CCSER1: variants seen among roughly 807,000 people sequenced by gnomAD.
CCSER1 encodes the protein serine-rich coiled-coil domain-containing protein 1.
In CCSER1, 41 loss-of-function variants were observed where a neutral mutation model predicts 82.0. That is an observed-to-expected ratio of 0.50 (90% CI 0.39 to 0.65). The LOEUF is 0.65. Ranked by LOEUF, CCSER1 falls within the 30% of genes least tolerant of loss-of-function variation. CCSER1 has a pLI of 0.00. For missense variants in CCSER1, 1,119 were observed against 1,064.2 expected (o/e 1.05, Z -0.72); for synonymous variants, 414 against 383.9 (o/e 1.08, Z -0.92).
chr4:90,162,978 T>G (rs573349145), intron 1 of CCSER1, among the ~76,000 whole-genome samples: 2 of 152,134 alleles, frequency 1.3e-5, no homozygotes, highest in Non-Finnish European at 2.9e-5. Context: ...ATGGAAATTA[T>G]TCACATATGT....
At chr4:91,069,462 G>A (rs193122085) in intron 9 of CCSER1, among the ~76,000 whole-genome samples, 1 of 151,978 alleles carries the variant, frequency 6.6e-6, no homozygotes, top group East Asian at 1.9e-4. Context: ...TAATTATAGA[G>A]ATTTATTCAT....
intron 1 of CCSER1, among the ~76,000 whole-genome samples, chr4:90,299,953 T>C (rs1732772606): frequency 6.6e-6 from 1 of 152,130 alleles, no homozygotes; most frequent in African/African-American, 2.4e-5. Context: ...TTAAAATTAT[T>C]ACCTAGGAAA....
In CCSER1 at chr4:90,345,850, T is replaced by G. The variant is rs150488387; in HGVS notation, c.1509+32803T>G. Among the ~76,000 whole-genome samples, 476 of 152,226 alleles carry G rather than the reference T, an allele frequency of 3.1e-3. 2 individuals carry two copies. The highest frequency in any genetic ancestry group is 0.011 in the African/African-American group (447 of 41,566). ...CAGAAATCTTATGTAATCTCACTGT[T>G]TAAATCATTTCAGAAATCATTTCAG... On this transcript the variant is annotated intron_variant, in intron 3 of 10. Coordinates refer to ENST00000509176, the MANE Select transcript of CCSER1 (RefSeq NM_001145065.2).
intron 1 of CCSER1, among the ~76,000 whole-genome samples, chr4:90,274,900 G>T (rs1292138352): frequency 1.3e-5 from 2 of 152,074 alleles, no homozygotes; most frequent in Non-Finnish European, 2.9e-5. Flanking sequence ...ACACTGTCTT[G>T]CTGTAAGATA....
intron 4 of CCSER1, among the ~76,000 whole-genome samples, chr4:90,466,750 A>G (rs1389192628): frequency 3.3e-5 from 5 of 152,228 alleles, no homozygotes; most frequent in African/African-American, 7.2e-5. Context: ...CTCTTTCTCT[A>G]TTGTTGGTAA....
intron 5 of CCSER1, among the ~76,000 whole-genome samples, chr4:90,501,007 T>C (rs891769704): frequency 2.0e-5 from 3 of 152,080 alleles, no homozygotes; most frequent in African/African-American, 4.8e-5. Context: ...AAAGAATATA[T>C]AGAGCAAACA....
intron 10 of CCSER1, among the ~76,000 whole-genome samples, chr4:91,416,231 G>A (rs773400279): frequency 2.0e-5 from 3 of 152,076 alleles, no homozygotes; most frequent in Non-Finnish European, 4.4e-5. Flanking sequence ...AACATTCCAT[G>A]CTCATGGATA....
chr4:90,561,403 A>G (rs1778744863), intron 5 of CCSER1, among the ~76,000 whole-genome samples: 1 of 152,236 alleles, frequency 6.6e-6, no homozygotes, highest in Non-Finnish European at 1.5e-5. Context: ...GTTAACTTTA[A>G]TGTTTATATC....
At chr4:91,345,675 A>C (rs910612168) in intron 10 of CCSER1, among the ~76,000 whole-genome samples, 26 of 152,298 alleles carry the variant, frequency 1.7e-4, no homozygotes, top group African/African-American at 6.3e-4. Flanking sequence ...ACCAGTATCA[A>C]TACATTGTTA....
intron 10 of CCSER1, among the ~76,000 whole-genome samples, chr4:91,352,532 C>T (rs1748548223): frequency 1.3e-5 from 2 of 152,192 alleles, no homozygotes; most frequent in African/African-American, 4.8e-5. Flanking sequence ...GCGTGAGCCA[C>T]CGTGCCCGGC....
Position 91,360,250 on chromosome 4 carries a change from T to C in CCSER1, c.2218-238322T>C, listed in dbSNP as rs185855411. On this transcript the variant is annotated intron_variant, in intron 10 of 10. Transcript: ENST00000509176. The stretch of plus-strand genomic sequence containing the variant: ...TGCAAATGAGCATACCAATGCCATT[T>C]TTCTTCCAGATTTGTTCTGGTAAAC... 4.7e-4 allele frequency among the ~76,000 whole-genome samples: 71 copies of C among 151,922 alleles called. 3 individuals carry two copies. The highest frequency in any genetic ancestry group is 3.4e-3 in the Middle Eastern group (1 of 290).
intron 10 of CCSER1, among the ~76,000 whole-genome samples, chr4:91,497,219 T>C (rs905007876): frequency 1.3e-5 from 2 of 151,562 alleles, no homozygotes; most frequent in Non-Finnish European, 3.0e-5. Flanking sequence ...AAAATAAGAA[T>C]AGTTACCTCA....
intron 9 of CCSER1, among the ~76,000 whole-genome samples, chr4:91,001,688 T>C (rs964395442): frequency 6.6e-6 from 1 of 152,178 alleles, no homozygotes; most frequent in Non-Finnish European, 1.5e-5. Flanking sequence ...AGATAGTTGG[T>C]TGGTGAATTT....
At chr4:91,225,345 TATATATGTATATATATTATATATGTAA>T (rs1738094703) in intron 10 of CCSER1, among the ~76,000 whole-genome samples, 1 of 134,614 alleles carries the variant, frequency 7.4e-6, no homozygotes, top group Non-Finnish European at 1.6e-5. Context: ...ATATATGTAA[TATATATGTATATATATTATATATGTAA>T]TATATATGAT....
chr4:91,395,314 C>A (rs1334652144), intron 10 of CCSER1, among the ~76,000 whole-genome samples: 1 of 151,994 alleles, frequency 6.6e-6, no homozygotes, highest in Non-Finnish European at 1.5e-5. Context: ...ATCACCCGTG[C>A]CCAAATAGGG....
intron 6 of CCSER1, among the ~76,000 whole-genome samples, chr4:90,643,621 C>T (rs1437080435): frequency 6.6e-6 from 1 of 152,124 alleles, no homozygotes; most frequent in African/African-American, 2.4e-5. Context: ...ATAGCAAATG[C>T]TCAATACGTA....
intron 8 of CCSER1, among the ~76,000 whole-genome samples, chr4:90,907,917 T>A (rs1258449555): frequency 6.6e-6 from 1 of 152,134 alleles, no homozygotes; most frequent in Non-Finnish European, 1.5e-5. Context: ...AGCAAATGTG[T>A]CTGCAAATGT....
intron 6 of CCSER1, among the ~76,000 whole-genome samples, chr4:90,634,081 G>T (rs760184664): frequency 3.3e-5 from 5 of 151,658 alleles, no homozygotes; most frequent in Middle Eastern, 3.4e-3. Context: ...ATCTATAAAA[G>T]AAAATGTTTA....
At chr4:91,031,274 T>G (rs1740958833) in intron 9 of CCSER1, among the ~76,000 whole-genome samples, 1 of 152,170 alleles carries the variant, frequency 6.6e-6, no homozygotes, top group South Asian at 2.1e-4. Context: ...TTAGGTTATC[T>G]TGGGATAAAG....
Sources: gnomAD v4.1 joint callset for allele counts (sites outside exome capture counted in the v4.1 genomes callset) on GRCh38, gnomAD v4.1.1 for gene constraint, MANE v1.5 for transcripts, NCBI Gene and HGNC (gene_info 2026-07-23, HGNC 2026-07-21) for gene names.